The following KCNH8 variants were observed in gnomAD, a reference collection of about 807,000 sequenced individuals.
KCNH8 encodes voltage-gated delayed rectifier potassium channel KCNH8.
KCNH8 carries 70 observed loss-of-function variants against 103.6 expected under a neutral mutation model. That is an observed-to-expected ratio of 0.68 (90% CI 0.56 to 0.82). The LOEUF is 0.82. KCNH8 is among the 40% of genes least tolerant of loss of function. The pLI is 0.00. For missense variants in KCNH8, 1,217 were observed against 1,329.9 expected (o/e 0.92, Z 1.32); for synonymous variants, 498 against 489.4 (o/e 1.02, Z -0.23).
At chr3:19,295,453 A>T (rs1025104364) in intron 3 of KCNH8, among the ~76,000 whole-genome samples, 1 of 152,180 alleles carries the variant, frequency 6.6e-6, no homozygotes, top group Non-Finnish European at 1.5e-5. Context: ...AAACAGCCAG[A>T]GCCATATAAC....
chr3:19,382,400 A>G (rs986224588), intron 5 of KCNH8, among the ~76,000 whole-genome samples: 1 of 152,156 alleles, frequency 6.6e-6, no homozygotes, highest in African/African-American at 2.4e-5. Flanking sequence ...AAATAGACGT[A>G]TTACTTACTT....
chr3:19,532,054 T>C (rs2069171529), intron 15 of KCNH8, among the ~76,000 whole-genome samples: 1 of 152,238 alleles, frequency 6.6e-6, no homozygotes, highest in Admixed American at 6.5e-5. Flanking sequence ...TTCCTCAATT[T>C]GAAGAATACA....
chr3:19,497,207 A>G (rs1049775195), intron 11 of KCNH8, among the ~76,000 whole-genome samples: 12 of 152,006 alleles, frequency 7.9e-5, no homozygotes, highest in African/African-American at 2.9e-4. Flanking sequence ...TCTTGGATTA[A>G]TTGATCTTTT....
At position 19,342,824 on chromosome 3, in the gene KCNH8, T is replaced by C. The variant is rs1444531228; in HGVS notation, c.570+110T>C. ...CATTTATTGGCTTGCCTAGATTTTT[T>C]TTTCCACTTTGGTTTGTGCTTTTCT... On this transcript the variant is annotated intron_variant, in intron 4 of 15. Transcript: ENST00000328405. 3 of 1,110,304 alleles carry C rather than the reference T, an allele frequency of 2.7e-6. No homozygotes were observed. In the African/African-American group the frequency reaches 4.8e-5, roughly 18 times the overall value. The allele number at this position is 1,110,304 out of a possible 1,614,324, so 68.8% of individuals were successfully genotyped here.
intron 1 of KCNH8, among the ~76,000 whole-genome samples, chr3:19,240,175 C>T (rs1281374855): frequency 6.6e-6 from 1 of 152,028 alleles, no homozygotes; most frequent in Non-Finnish European, 1.5e-5. Context: ...GATGGTTTCT[C>T]CTGATTTTTT....
At chr3:19,362,493 T>C (rs1358160467) in intron 5 of KCNH8, among the ~76,000 whole-genome samples, 4 of 152,142 alleles carry the variant, frequency 2.6e-5, no homozygotes, top group Admixed American at 6.6e-5. Context: ...ACCTGTCTCA[T>C]GGGAAATTTT....
In KCNH8 at chr3:19,454,922, A is replaced by G. The variant is rs574019781; in HGVS notation, c.1826-1846A>G. On this transcript the variant is annotated intron_variant, in intron 10 of 15. Coordinates refer to ENST00000328405, the MANE Select transcript of KCNH8 (RefSeq NM_144633.3). ...ACTTTCTGTGATTAACATTACTTCA[A>G]TAAAGATTGATTATTTTACTTTCCC... Among the ~76,000 whole-genome samples the G allele has an allele frequency of 1.7e-3, 264 of 152,290 alleles. 2 individuals are homozygous for G. Among genetic ancestry groups the G allele is most frequent in the African/African-American group, 6.2e-3 (259 of 41,576 alleles).
chr3:19,264,859 G>A (rs1052509312), intron 2 of KCNH8, among the ~76,000 whole-genome samples: 1 of 152,080 alleles, frequency 6.6e-6, no homozygotes, highest in Non-Finnish European at 1.5e-5. Flanking sequence ...CTGATTCACA[G>A]AGAAGTTAAG....
intron 1 of KCNH8, among the ~76,000 whole-genome samples, chr3:19,249,639 G>A (rs1462156493): frequency 6.6e-6 from 1 of 152,100 alleles, no homozygotes; most frequent in African/African-American, 2.4e-5. Context: ...TTATAAAGAT[G>A]CTAAGGAAAT....
intron 7 of KCNH8, among the ~76,000 whole-genome samples, chr3:19,437,075 G>A (rs2067210166): frequency 6.6e-6 from 1 of 152,116 alleles, no homozygotes; most frequent in Non-Finnish European, 1.5e-5. Context: ...AAGCTTAGTT[G>A]ATAATGATAA....
chr3:19,197,728 A>G (rs1299374830), intron 1 of KCNH8, among the ~76,000 whole-genome samples: 1 of 152,044 alleles, frequency 6.6e-6, no homozygotes, highest in East Asian at 1.9e-4. Context: ...TGTTGGAATT[A>G]CATAAGTTAA....
chr3:19,373,772 T>C (rs2066143149), intron 5 of KCNH8, among the ~76,000 whole-genome samples: 1 of 151,978 alleles, frequency 6.6e-6, no homozygotes. Flanking sequence ...CTCTACACAC[T>C]GCTTTGAATG....
intron 7 of KCNH8, among the ~76,000 whole-genome samples, chr3:19,416,165 T>TTTGGTTTAC (rs1382835299): frequency 6.6e-6 from 1 of 152,130 alleles, no homozygotes; most frequent in African/African-American, 2.4e-5. Context: ...CACCACAGAA[T>TTTGGTTTAC]TTGGTTTACA....
At chr3:19,159,860 T>C (rs1421261679) in intron 1 of KCNH8, among the ~76,000 whole-genome samples, 1 of 152,096 alleles carries the variant, frequency 6.6e-6, no homozygotes, top group African/African-American at 2.4e-5. Context: ...AGCCTGAGGT[T>C]ACCAGCCCAC....
At chr3:19,483,782 C>T (rs555970560) in intron 11 of KCNH8, among the ~76,000 whole-genome samples, 36 of 152,252 alleles carry the variant, frequency 2.4e-4, no homozygotes, top group South Asian at 8.3e-4. Context: ...TAAGGTCACA[C>T]GTTCCCCTTT....
intron 1 of KCNH8, among the ~76,000 whole-genome samples, chr3:19,156,614 A>G (rs1209562056): frequency 6.6e-6 from 1 of 152,092 alleles, no homozygotes; most frequent in African/African-American, 2.4e-5. Context: ...AAGAAAATCT[A>G]GTGTCCATTT....
intron 5 of KCNH8, among the ~76,000 whole-genome samples, chr3:19,361,233 G>T (rs1008205548): frequency 4.6e-5 from 7 of 151,932 alleles, no homozygotes; most frequent in African/African-American, 1.7e-4. Flanking sequence ...TTTTCCTAAT[G>T]GTTTTTCAAT....
At position 19,431,117 on chromosome 3, in the gene KCNH8, G is replaced by A. The variant is rs147993460; in HGVS notation, c.1178-7047G>A. ...CCCATTCAGCCTGATGTTGGCTGTG[G>A]GTTTTTCACATATGGCTCTTATTAT... On this transcript the variant is annotated intron_variant, in intron 7 of 15. Transcript: ENST00000328405. Among the ~76,000 whole-genome samples the A allele has an allele frequency of 8.7e-3, 1,326 of 152,136 alleles. 12 individuals are homozygous for A. The highest frequency in any genetic ancestry group is 0.017 in the African/African-American group (719 of 41,478).
rs183634287 is a variant in KCNH8, at chr3:19,459,684, T to C, written c.2040+2702T>C. Among the ~76,000 whole-genome samples the C allele has an allele frequency of 1.5e-3, 223 of 152,236 alleles. 1 individual carries two copies. Among genetic ancestry groups the C allele is most frequent in the Admixed American group, 0.013 (201 of 15,254 alleles). On this transcript the variant is annotated intron_variant, in intron 11 of 15. Transcript: ENST00000328405. The stretch of plus-strand genomic sequence containing the variant: ...AAAAACATCATTGTCCAGACCAATG[T>C]CATGGAGCTTTCCCCTATGTTTTCT...
Sources: gnomAD v4.1 joint callset for allele counts (sites outside exome capture counted in the v4.1 genomes callset) on GRCh38, gnomAD v4.1.1 for gene constraint, MANE v1.5 for transcripts, NCBI Gene and HGNC (gene_info 2026-07-23, HGNC 2026-07-21) for gene names.